The following MIA2 variants were observed in gnomAD, a reference collection of about 807,000 sequenced individuals.
MIA2 encodes the protein melanoma inhibitory activity protein 2.
In MIA2, 127 loss-of-function variants were observed where a neutral mutation model predicts 167.8. That is an observed-to-expected ratio of 0.76 (90% confidence interval 0.66 to 0.88). The LOEUF is 0.88. Ranked by LOEUF, MIA2 falls within the 40% of genes least tolerant of loss-of-function variation. MIA2 has a pLI of 0.00. For synonymous variants in MIA2, 552 were observed against 541.9 expected, an observed-to-expected ratio of 1.02 and a Z score of -0.26; for missense variants, 1,690 against 1,624.7, an observed-to-expected ratio of 1.04 and a Z score of -0.69.
At chr14:39,297,689 G>GTGTGTGTGTT (rs1239396697) in intron 13 of MIA2, among the ~76,000 whole-genome samples, 1 of 151,750 alleles carries the variant, frequency 6.6e-6, no homozygotes, top group Non-Finnish European at 1.5e-5. Flanking sequence ...GTGTGTGTGT[G>GTGTGTGTGTT]TGTGTGTGTT....
At chr14:39,254,669 C>T (rs1228607953) in intron 6 of MIA2, among the ~76,000 whole-genome samples, 1 of 152,172 alleles carries the variant, frequency 6.6e-6, no homozygotes, top group Non-Finnish European at 1.5e-5. Context: ...CCCAGATACT[C>T]TGATTTTCAA....
intron 23 of MIA2, among the ~76,000 whole-genome samples, chr14:39,382,542 G>C (rs1418783276): frequency 6.6e-6 from 1 of 152,202 alleles, no homozygotes; most frequent in Non-Finnish European, 1.5e-5. Context: ...AATTGGGAGA[G>C]TATGGTCACG....
chr14:39,385,666 A>G lies in MIA2; in HGVS notation c.2249-1219A>G, dbSNP rs932320616. 4 of 955,022 alleles carry G rather than the reference A, an allele frequency of 4.2e-6. No individual in the cohort carries two copies. In the African/African-American group the frequency reaches 4.8e-5, roughly 11 times the overall value. 59.2% of individuals were successfully genotyped at this position (955,022 alleles called of 1,614,324 possible). ...TGTTAGTTCTAAAAGCTTAAATGCA[A>G]TCTTTTCTTCAACTTGAGGGGCAGC... On this transcript the variant is annotated intron_variant, in intron 23 of 23. Coordinates refer to the MIA2 transcript ENST00000341502.
At position 39,304,336 on chromosome 14, in the gene MIA2, T is replaced by C. The variant is rs912300561; in HGVS notation, c.2833T>C (p.Tyr945His). The part of the protein sequence containing the change: ...KTLEGERNQI[Y>H]IQLSEVDKTK... ...CTTAGAAGGAGAAAGAAACCAAATT[T>C]ATATTCAGTTGTCTGAAGTTGATAA... Residue 945 changes from tyrosine (Y) to histidine (H), a missense_variant, in exon 17 of 29, where the codon TAT becomes CAT. Coordinates refer to ENST00000640607, the MANE Select transcript of MIA2 (RefSeq NM_001329214.4). 6.3e-7 allele frequency: 1 copy of C among 1,577,708 alleles called. No individual in the cohort carries two copies.
chr14:39,250,338 T>G (rs1056964034), intron 4 of MIA2, among the ~76,000 whole-genome samples: 1 of 147,728 alleles, frequency 6.8e-6, no homozygotes, highest in African/African-American at 2.5e-5. Context: ...GAGGCTGAGG[T>G]GGGAAATCAC....
intron 6 of MIA2, chr14:39,265,898 T>C (rs950432643): frequency 5.1e-6 from 4 of 791,902 alleles, no homozygotes; most frequent in Non-Finnish European, 6.1e-6. Flanking sequence ...ACCTTAACAA[T>C]GGAGAATTAC....
intron 23 of MIA2, among the ~76,000 whole-genome samples, chr14:39,382,258 C>G (rs1298531900): frequency 1.3e-5 from 2 of 152,190 alleles, no homozygotes; most frequent in Non-Finnish European, 2.9e-5. Context: ...GGAGAGCTCA[C>G]AGGCCTCAGC....
chr14:39,312,016 G>C (rs2064396687), intron 18 of MIA2, among the ~76,000 whole-genome samples: 1 of 151,508 alleles, frequency 6.6e-6, no homozygotes, highest in Non-Finnish European at 1.5e-5. Context: ...TTTTAGTGGA[G>C]ATGGGGTTTC....
rs897805394 is a variant in MIA2 at position 39,314,906 on chromosome 14, T to C, written c.3180+107T>C. The C allele has an allele frequency of 2.1e-5, 18 of 839,534 alleles. 1 individual carries two copies. Among genetic ancestry groups the C allele is most frequent in the Non-Finnish European group, 2.9e-5 (17 of 594,790 alleles). 52.0% of individuals were successfully genotyped at this position (839,534 alleles called of 1,614,324 possible). On this transcript the variant is annotated intron_variant, in intron 20 of 28. Coordinates refer to ENST00000640607, the MANE Select transcript of MIA2 (RefSeq NM_001329214.4). Reference sequence around the variant, plus strand: ...GCAGGAATATAATTACTTGACCAGTTGTATACCTCTTTTGAGGTGTTGCAT... The same window carrying C: ...GCAGGAATATAATTACTTGACCAGTCGTATACCTCTTTTGAGGTGTTGCAT...
At chr14:39,313,640 TA>T (rs1163991844) in intron 19 of MIA2, among the ~76,000 whole-genome samples, 199 bp downstream of exon 19, 1 of 152,160 alleles carries the variant, frequency 6.6e-6, no homozygotes, top group African/African-American at 2.4e-5. Context: ...ACAGAAAATA[TA>T]AAGAGGAAAA....
chr14:39,329,314 C>T (rs1437563438), intron 25 of MIA2, among the ~76,000 whole-genome samples: 2 of 152,120 alleles, frequency 1.3e-5, no homozygotes, highest in Admixed American at 6.5e-5. Flanking sequence ...ATTTTGTATC[C>T]TGAGACTTTG....
At chr14:39,287,572 T>C (rs1333132313) in intron 9 of MIA2, among the ~76,000 whole-genome samples, 1 of 151,956 alleles carries the variant, frequency 6.6e-6, no homozygotes, top group Non-Finnish European at 1.5e-5. Flanking sequence ...TTATTATTTA[T>C]TTATTTTTTT....
chr14:39,367,827 G>GT (rs72012688), intron 23 of MIA2, among the ~76,000 whole-genome samples: 1 of 151,868 alleles, frequency 6.6e-6, no homozygotes, highest in Non-Finnish European at 1.5e-5. Context: ...ATTGTCGTCG[G>GT]TTTTTTTTTC....
intron 9 of MIA2, among the ~76,000 whole-genome samples, chr14:39,289,682 T>C (rs980511376): frequency 6.6e-6 from 1 of 152,224 alleles, no homozygotes; most frequent in African/African-American, 2.4e-5. Flanking sequence ...GGGATCTCAC[T>C]ATGTTGCCCA....
intron 15 of MIA2, among the ~76,000 whole-genome samples, chr14:39,302,752 A>G (rs1342782173): frequency 6.6e-6 from 1 of 152,152 alleles, no homozygotes; most frequent in Non-Finnish European, 1.5e-5. Flanking sequence ...ATTTAGTTTC[A>G]CTATAGCCCC....
chr14:39,260,060 AG>A, intron 6 of MIA2, among the ~76,000 whole-genome samples: 1 of 152,270 alleles, frequency 6.6e-6, no homozygotes, highest in Middle Eastern at 3.4e-3. Context: ...ATGGCTGCAT[AG>A]TATTCCATAG....
At chr14:39,236,804 G>T (rs914397439) in intron 1 of MIA2, 118 bp from the exon 2 acceptor site, 14 of 982,802 alleles carry the variant, frequency 1.4e-5, no homozygotes, top group African/African-American at 4.9e-5. Context: ...GGCCATAAAT[G>T]ATATAAAGAA....
intron 9 of MIA2, among the ~76,000 whole-genome samples, chr14:39,289,276 A>G (rs1253348289): frequency 1.3e-5 from 2 of 151,394 alleles, no homozygotes; most frequent in African/African-American, 2.4e-5. Flanking sequence ...GCTGGAGTGC[A>G]TGATCTCGAC....
intron 6 of MIA2, chr14:39,266,183 C>T (rs1463569457): frequency 2.0e-6 from 2 of 985,210 alleles, no homozygotes; most frequent in African/African-American, 1.7e-5. Context: ...GTATCTGCTC[C>T]TTTTTGAGTT....
Sources: allele counts gnomAD v4.1 joint callset (sites outside exome capture counted in the v4.1 genomes callset), GRCh38; gene constraint gnomAD v4.1.1; transcripts MANE v1.5; gene names NCBI Gene and HGNC (gene_info 2026-07-23, HGNC 2026-07-21).